Variants in ADAMTS12 observed in about 807,000 individuals in gnomAD.
The protein encoded by ADAMTS12 is ADAM metallopeptidase with thrombospondin type 1 motif 12.
In ADAMTS12, 118 loss-of-function variants were observed where a neutral mutation model predicts 167.8. That is an observed-to-expected ratio of 0.70 (90% CI 0.61 to 0.82). ADAMTS12 has a LOEUF of 0.82. Ranked by LOEUF, ADAMTS12 falls within the 40% of genes least tolerant of loss-of-function variation. The pLI is 0.00. For synonymous variants in ADAMTS12, 704 were observed against 716.9 expected (o/e 0.98, Z 0.29); for missense variants, 1,916 against 1,998.8 (o/e 0.96, Z 0.79).
In ADAMTS12 at chr5:33,842,457, G is replaced by T. The variant is rs182340691; in HGVS notation, c.489+38662C>A. ...CCTCAAGGTTGCAGCTTTCCACAAA[G>T]GGAGGGTTCACAAAAGTCTAAGTCC... On this transcript the variant is annotated intron_variant, in intron 2 of 23. Transcript: ENST00000504830. Among the ~76,000 whole-genome samples, 10 of 152,312 alleles carry T rather than the reference G, an allele frequency of 6.6e-5. No homozygotes were observed. In the East Asian group the frequency reaches 1.9e-3, roughly 29 times the overall value.
chr5:33,864,381 C>T (rs538425611), intron 2 of ADAMTS12, among the ~76,000 whole-genome samples: 2 of 152,290 alleles, frequency 1.3e-5, no homozygotes, highest in South Asian at 4.1e-4. Flanking sequence ...TGCTTTCACA[C>T]CATTGGTGAG....
At chr5:33,763,225 T>C (rs1745418029) in intron 2 of ADAMTS12, among the ~76,000 whole-genome samples, 1 of 152,126 alleles carries the variant, frequency 6.6e-6, no homozygotes, top group Admixed American at 6.5e-5. Context: ...TGTGATTACA[T>C]TAAAAATCTT....
chr5:33,757,006 T>G (rs1579910020), intron 2 of ADAMTS12, among the ~76,000 whole-genome samples: 1 of 152,232 alleles, frequency 6.6e-6, no homozygotes, highest in African/African-American at 2.4e-5. Context: ...TTAATTAGCT[T>G]AAATTTAAGC....
intron 3 of ADAMTS12, among the ~76,000 whole-genome samples, chr5:33,684,701 G>C (rs1742260495): frequency 6.6e-6 from 1 of 152,152 alleles, no homozygotes; most frequent in Non-Finnish European, 1.5e-5. Context: ...AGGTGGAAAA[G>C]ATCCAAAGGA....
At chr5:33,528,085 G>GA (rs1174112774) in intron 23 of ADAMTS12, among the ~76,000 whole-genome samples, 4,392 of 121,872 alleles carry the variant, frequency 0.036, 120 homozygotes, top group African/African-American at 0.094. Context: ...TACTCAACCA[G>GA]AAAAAAAAAA....
At chr5:33,697,593 C>T (rs1223971967) in intron 3 of ADAMTS12, among the ~76,000 whole-genome samples, 1 of 151,434 alleles carries the variant, frequency 6.6e-6, no homozygotes. Context: ...TTCCTTTTAG[C>T]GTTTGTTAGA....
chr5:33,732,984 G>C (rs1322267961), intron 3 of ADAMTS12, among the ~76,000 whole-genome samples: 3 of 151,648 alleles, frequency 2.0e-5, no homozygotes, highest in Non-Finnish European at 4.4e-5. Flanking sequence ...AAACTGTGCA[G>C]AATGAATTTA....
rs569126736 is a variant in ADAMTS12, at chr5:33,762,064, C to T, written c.490-10516G>A. 5.3e-5 allele frequency among the ~76,000 whole-genome samples: 8 copies of T among 152,146 alleles called. No homozygotes were observed. The South Asian group carries it at 8.3e-4, about 16-fold the overall frequency. ...AACATTAGTCAGGTGTCGTGGCATG[C>T]GCCTGTAGTCCCAGCTACTCAGGAG... On this transcript the variant is annotated intron_variant, in intron 2 of 23. Coordinates refer to ENST00000504830, the MANE Select transcript of ADAMTS12 (RefSeq NM_030955.4).
At chr5:33,625,947 GGCAAC>G (rs1277289702) in intron 13 of ADAMTS12, among the ~76,000 whole-genome samples, 5 of 152,204 alleles carry the variant, frequency 3.3e-5, no homozygotes, top group Non-Finnish European at 7.3e-5. Context: ...AACATGCTCT[GGCAAC>G]ACAGAAAGCC....
At chr5:33,763,116 T>G (rs940774841) in intron 2 of ADAMTS12, among the ~76,000 whole-genome samples, 2 of 152,184 alleles carry the variant, frequency 1.3e-5, no homozygotes, top group Non-Finnish European at 2.9e-5. Flanking sequence ...AAAGCAAGCC[T>G]GGTGTGGTAG....
intron 3 of ADAMTS12, among the ~76,000 whole-genome samples, chr5:33,691,595 T>C (rs1001526050): frequency 6.6e-6 from 1 of 152,152 alleles, no homozygotes. Flanking sequence ...AGGCGAGACA[T>C]GGAAGAGAGG....
At chr5:33,811,469 A>T (rs545532467) in intron 2 of ADAMTS12, among the ~76,000 whole-genome samples, 2 of 152,330 alleles carry the variant, frequency 1.3e-5, no homozygotes, top group South Asian at 4.1e-4. Flanking sequence ...GGTGATCGTC[A>T]TGCCAATATC....
intron 7 of ADAMTS12, among the ~76,000 whole-genome samples, chr5:33,650,549 C>A (rs990139275): frequency 1.3e-5 from 2 of 152,180 alleles, no homozygotes; most frequent in Admixed American, 1.3e-4. Context: ...AGTGGTAAAA[C>A]TAGGTTTCAG....
intron 9 of ADAMTS12, among the ~76,000 whole-genome samples, chr5:33,645,981 G>C (rs1740648661): frequency 6.6e-6 from 1 of 152,138 alleles, no homozygotes; most frequent in Admixed American, 6.5e-5. Flanking sequence ...ATTCAGGATA[G>C]GATATAAAAG....
intron 16 of ADAMTS12, among the ~76,000 whole-genome samples, chr5:33,603,159 G>A (rs552077961): frequency 6.6e-6 from 1 of 152,270 alleles, no homozygotes; most frequent in African/African-American, 2.4e-5. Context: ...CCAGCAGTAG[G>A]GCCATTCCAG....
At chr5:33,580,067 G>A (rs974155787) in intron 18 of ADAMTS12, among the ~76,000 whole-genome samples, 3 of 152,196 alleles carry the variant, frequency 2.0e-5, no homozygotes, top group African/African-American at 4.8e-5. Flanking sequence ...AGAGCCAACC[G>A]ATGGATATGT....
At chr5:33,614,599 A>G (rs1226251112) in intron 15 of ADAMTS12, among the ~76,000 whole-genome samples, 3 of 152,130 alleles carry the variant, frequency 2.0e-5, no homozygotes, top group Admixed American at 6.5e-5. Flanking sequence ...ATAGCTATAT[A>G]TTTTCCATCT....
At chr5:33,680,011 T>A (rs769450632) in intron 5 of ADAMTS12, among the ~76,000 whole-genome samples, 2 of 152,196 alleles carry the variant, frequency 1.3e-5, no homozygotes, top group African/African-American at 4.8e-5. Flanking sequence ...TAGTCACAGA[T>A]GTGAAGAATG....
chr5:33,847,022 G>T (rs1424392823), intron 2 of ADAMTS12, among the ~76,000 whole-genome samples: 1 of 152,162 alleles, frequency 6.6e-6, no homozygotes. Flanking sequence ...ATCCAGGCAA[G>T]ACACCAGCTG....
Sources: allele counts gnomAD v4.1 joint callset (sites outside exome capture counted in the v4.1 genomes callset), GRCh38; gene constraint gnomAD v4.1.1; transcripts MANE v1.5; gene names NCBI Gene and HGNC (gene_info 2026-07-23, HGNC 2026-07-21).